CFAP54: variants seen among roughly 807,000 people sequenced by gnomAD.
CFAP54 encodes cilia- and flagella-associated protein 54.
A neutral mutation model predicts 370.4 loss-of-function variants in CFAP54; 290 were observed. The observed-to-expected ratio is 0.78, with a 90% confidence interval of 0.71 to 0.86. The LOEUF (loss-of-function observed/expected upper bound fraction) is 0.86. Among genes scored for constraint, CFAP54 ranks in the 40% least tolerant of loss-of-function variants. CFAP54 has a pLI of 0.00. For missense variants in CFAP54, 3,399 were observed against 3,528.7 expected, an observed-to-expected ratio of 0.96 and a Z score of 0.93; for synonymous variants, 1,206 against 1,236.5, an observed-to-expected ratio of 0.98 and a Z score of 0.52.
chr12:96,584,012 T>C (rs1048291285), intron 22 of CFAP54, among the ~76,000 whole-genome samples: 1 of 152,236 alleles, frequency 6.6e-6, no homozygotes, highest in Non-Finnish European at 1.5e-5. Context: ...TGTTGGAACA[T>C]GAATGCTTTG....
chr12:96,730,153 C>A (rs1398910341), intron 50 of CFAP54, among the ~76,000 whole-genome samples: 1 of 152,164 alleles, frequency 6.6e-6, no homozygotes, highest in African/African-American at 2.4e-5. Context: ...CAAGAGAAAT[C>A]AGTTCCCCAG....
intron 65 of CFAP54, among the ~76,000 whole-genome samples, chr12:96,819,995 C>A (rs1207987843): frequency 1.3e-5 from 2 of 152,104 alleles, no homozygotes; most frequent in Non-Finnish European, 2.9e-5. Context: ...AAATTTTATT[C>A]ATCATTTCTT....
At chr12:96,812,598 A>G (rs1409790178) in intron 64 of CFAP54, among the ~76,000 whole-genome samples, 3 of 152,244 alleles carry the variant, frequency 2.0e-5, no homozygotes, top group Admixed American at 1.3e-4. Context: ...GGACTAAGAT[A>G]GACAGTGTGT....
At chr12:96,828,034 AAT>A (rs1565994607) in intron 65 of CFAP54, among the ~76,000 whole-genome samples, 1 of 126,634 alleles carries the variant, frequency 7.9e-6, no homozygotes, top group Non-Finnish European at 1.6e-5. Flanking sequence ...ATTAATATAT[AAT>A]ATATAATTAT....
chr12:96,644,647 T>A (rs1020981371), intron 33 of CFAP54, among the ~76,000 whole-genome samples: 1 of 152,120 alleles, frequency 6.6e-6, no homozygotes, highest in Non-Finnish European at 1.5e-5. Flanking sequence ...TCAAGAAACG[T>A]AATCATGGTA....
intron 44 of CFAP54, among the ~76,000 whole-genome samples, chr12:96,692,555 A>C (rs186889799): frequency 6.6e-6 from 1 of 152,338 alleles, no homozygotes; most frequent in East Asian, 1.9e-4. Flanking sequence ...GTGCTGCATT[A>C]ATTGTGGAAA....
At chr12:96,647,726 G>C in intron 33 of CFAP54, 149 bp from the exon 34 acceptor site, 1 of 608,610 alleles carries the variant, frequency 1.6e-6, no homozygotes, top group Non-Finnish European at 2.6e-6. Context: ...GTGAAAAAAT[G>C]TTGGGCTTTG....
In CFAP54 at chr12:96,598,771, T is replaced by A; in HGVS notation, c.3639+4T>A. 1.7e-6 allele frequency: 1 copy of A among 596,620 alleles called. No homozygotes were observed. The highest frequency in any genetic ancestry group is 3.0e-6 in the Non-Finnish European group (1 of 329,958). 37.0% of individuals were successfully genotyped at this position (596,620 alleles called of 1,614,324 possible). ...TTGTATTTTCTACATAACAAAGGTA[T>A]TTATCTCATTCTTTATCTAGTATTA... On this transcript the variant is annotated splice_donor_region_variant and intron_variant, in intron 26 of 67. Transcript: ENST00000524981.
At chr12:96,565,342 TACCACCTC>T (rs1399277366) in intron 19 of CFAP54, among the ~76,000 whole-genome samples, 4 of 152,140 alleles carry the variant, frequency 2.6e-5, no homozygotes, top group Admixed American at 2.0e-4. Flanking sequence ...TAAATGGTCC[TACCACCTC>T]AGCCTTCCAG....
intron 40 of CFAP54, among the ~76,000 whole-genome samples, chr12:96,681,409 G>A (rs1957270341): frequency 7.0e-6 from 1 of 143,044 alleles, no homozygotes; most frequent in African/African-American, 2.6e-5. Context: ...AACTACCTGT[G>A]TGTTGCTTCT....
At chr12:96,532,016 G>A (rs568677057) in intron 9 of CFAP54, among the ~76,000 whole-genome samples, 13 of 152,200 alleles carry the variant, frequency 8.5e-5, no homozygotes, top group East Asian at 3.8e-4. Flanking sequence ...ATAAGCCATC[G>A]CACCCGGCCA....
rs181258501 is a variant in CFAP54 at position 96,694,025 on chromosome 12, C to G, written c.6351+217C>G. 1.4e-3 allele frequency among the ~76,000 whole-genome samples: 219 copies of G among 152,256 alleles called. 3 individuals carry two copies. Among genetic ancestry groups the G allele is most frequent in the Non-Finnish European group, 1.7e-3 (118 of 68,018 alleles). The stretch of plus-strand genomic sequence containing the variant: ...GCTTGGGCCACAGTAAAGTGAGGAA[C>G]AGCTGCACATGGAAATAAGGCTCAC... On this transcript the variant is annotated intron_variant, in intron 45 of 67. Coordinates refer to ENST00000524981, the MANE Select transcript of CFAP54 (RefSeq NM_001306084.2).
At chr12:96,855,201 G>C (rs1157320814) in intron 66 of CFAP54, among the ~76,000 whole-genome samples, 2 of 152,094 alleles carry the variant, frequency 1.3e-5, no homozygotes, top group Non-Finnish European at 2.9e-5. Flanking sequence ...CTCCCACCAG[G>C]TCCCTCTCAT....
chr12:96,633,990 A>G (rs1418634756), intron 32 of CFAP54, among the ~76,000 whole-genome samples: 2 of 143,044 alleles, frequency 1.4e-5, no homozygotes, highest in East Asian at 2.3e-4. Flanking sequence ...ATAGGTGTGT[A>G]GTGATATCTC....
intron 63 of CFAP54, among the ~76,000 whole-genome samples, chr12:96,793,357 T>C (rs927704067): frequency 2.0e-5 from 3 of 152,232 alleles, no homozygotes; most frequent in African/African-American, 7.2e-5. Flanking sequence ...TTGCTGTGAA[T>C]GCCATTATTT....
At chr12:96,760,614 C>T (rs867831804) in intron 58 of CFAP54, among the ~76,000 whole-genome samples, 1 of 152,196 alleles carries the variant, frequency 6.6e-6, no homozygotes, top group African/African-American at 2.4e-5. Context: ...CTCACTGCAA[C>T]CTCCGCCTCC....
chr12:96,518,266 T>A (rs907219573), intron 5 of CFAP54, among the ~76,000 whole-genome samples: 3 of 152,228 alleles, frequency 2.0e-5, no homozygotes, highest in African/African-American at 7.2e-5. Context: ...TTACCTCCTA[T>A]ACCAGCTAAT....
At chr12:96,861,503 C>T (rs896979754) in intron 67 of CFAP54, among the ~76,000 whole-genome samples, 2 of 152,138 alleles carry the variant, frequency 1.3e-5, no homozygotes, top group African/African-American at 4.8e-5. Flanking sequence ...CTCTAAATGG[C>T]TTGGGAAAAA....
At chr12:96,548,702 T>C (rs1235185615) in intron 15 of CFAP54, among the ~76,000 whole-genome samples, 1 of 152,166 alleles carries the variant, frequency 6.6e-6, no homozygotes, top group Non-Finnish European at 1.5e-5. Context: ...GAGACTGACA[T>C]GCATAAGAGA....
Sources: allele counts gnomAD v4.1 joint callset (sites outside exome capture counted in the v4.1 genomes callset), GRCh38; gene constraint gnomAD v4.1.1; transcripts MANE v1.5; gene names NCBI Gene and HGNC (gene_info 2026-07-23, HGNC 2026-07-21).